OSBP2: variants seen among roughly 807,000 people sequenced by gnomAD.
OSBP2 encodes oxysterol-binding protein 2.
Under a neutral mutation model 96.0 loss-of-function variants are expected in OSBP2, and 66 were observed. The ratio of observed to expected loss-of-function variants is 0.69; its 90% confidence interval spans 0.56 to 0.84. OSBP2 has a LOEUF of 0.84. Among genes scored for constraint, OSBP2 ranks in the 40% least tolerant of loss-of-function variants. The pLI is 0.00. For synonymous variants in OSBP2, 525 were observed against 520.9 expected (o/e 1.01, Z -0.11); for missense variants, 1,038 against 1,222.7 (o/e 0.85, Z 2.25).
At chr22:30,756,757 C>G (rs1250545371) in intron 2 of OSBP2, among the ~76,000 whole-genome samples, 2 of 152,244 alleles carry the variant, frequency 1.3e-5, no homozygotes, top group South Asian at 4.1e-4. Flanking sequence ...TCAAATCATG[C>G]TACAAACTGC....
At chr22:30,753,243 G>T (rs2090099501) in intron 2 of OSBP2, among the ~76,000 whole-genome samples, 1 of 152,238 alleles carries the variant, frequency 6.6e-6, no homozygotes, top group South Asian at 2.1e-4. Flanking sequence ...TCTTGGGGTG[G>T]CTGGAGGTGG....
rs537152822 is a variant in OSBP2 at position 30,893,797 on chromosome 22, G to C, written c.2191-20G>C. The C allele has an allele frequency of 1.2e-6, 2 of 1,602,692 alleles. No individual in the cohort carries two copies. Among genetic ancestry groups the C allele is most frequent in the South Asian group, 2.2e-5 (2 of 90,014 alleles). ...CCAGGGCAGAGTCTGCACCTACGCT[G>C]GTCCTGCCAATGTCCACAGGTGACA... On this transcript the variant is annotated intron_variant, in intron 11 of 13. Transcript: ENST00000332585.
At chr22:30,829,042 A>G (rs1465303111) in intron 2 of OSBP2, among the ~76,000 whole-genome samples, 1 of 152,124 alleles carries the variant, frequency 6.6e-6, no homozygotes, top group African/African-American at 2.4e-5. Flanking sequence ...GCCCAGTGAC[A>G]GTGAGGAAGG....
chr22:30,863,391 C>G (rs1041085167), intron 2 of OSBP2, among the ~76,000 whole-genome samples: 2 of 152,162 alleles, frequency 1.3e-5, no homozygotes, highest in African/African-American at 2.4e-5. Context: ...GCAGCGCCCC[C>G]GCAGTCCTCA....
intron 2 of OSBP2, among the ~76,000 whole-genome samples, chr22:30,820,101 C>T (rs544503677): frequency 2.9e-4 from 44 of 152,276 alleles, no homozygotes; most frequent in African/African-American, 8.9e-4. Context: ...CAGCTCTGAC[C>T]GAACACAGTG....
intron 1 of OSBP2, among the ~76,000 whole-genome samples, chr22:30,736,985 A>G (rs1295939551): frequency 6.6e-6 from 1 of 152,186 alleles, no homozygotes; most frequent in Non-Finnish European, 1.5e-5. Context: ...TGTGCAAGTC[A>G]CTTCGATTCT....
intron 12 of OSBP2, among the ~76,000 whole-genome samples, chr22:30,896,169 G>A (rs2040063500): frequency 1.3e-5 from 2 of 151,818 alleles, no homozygotes; most frequent in Non-Finnish European, 2.9e-5. Context: ...ACAGGGGCAT[G>A]CTACTGTGCT....
intron 2 of OSBP2, among the ~76,000 whole-genome samples, chr22:30,869,111 C>T (rs577294078): frequency 6.6e-6 from 1 of 152,292 alleles, no homozygotes; most frequent in South Asian, 2.1e-4. Flanking sequence ...TGCTGTGGTG[C>T]GCCACCCCCC....
chr22:30,858,426 G>A (rs942468425), intron 2 of OSBP2, among the ~76,000 whole-genome samples: 1 of 151,762 alleles, frequency 6.6e-6, no homozygotes, highest in Non-Finnish European at 1.5e-5. Flanking sequence ...GATTACAGGT[G>A]TGAGCCACCG....
intron 2 of OSBP2, among the ~76,000 whole-genome samples, chr22:30,752,373 A>T (rs1311785506): frequency 8.0e-6 from 1 of 125,528 alleles, no homozygotes; most frequent in East Asian, 2.4e-4. Flanking sequence ...ATCTCGGCTC[A>T]CTGCAAGCTC....
chr22:30,861,368 G>A (rs2039207036), intron 2 of OSBP2, among the ~76,000 whole-genome samples: 1 of 152,162 alleles, frequency 6.6e-6, no homozygotes, highest in African/African-American at 2.4e-5. Flanking sequence ...CCCCTCGCCT[G>A]GAGAAGTTGT....
chr22:30,853,774 CTT>C (rs35208155), intron 2 of OSBP2, among the ~76,000 whole-genome samples: 58 of 138,628 alleles, frequency 4.2e-4, no homozygotes, highest in Admixed American at 5.7e-4. Context: ...TTCTTTCTTT[CTT>C]TTTTTTTTTT....
chr22:30,822,121 A>ATGAGAGGGTC (rs1252951426), intron 2 of OSBP2, among the ~76,000 whole-genome samples: 2 of 152,218 alleles, frequency 1.3e-5, no homozygotes. Flanking sequence ...GGGTCAGAAG[A>ATGAGAGGGTC]TGAGAGGGTC....
intron 3 of OSBP2, chr22:30,872,602 AGTG>A (rs2039481637): frequency 2.8e-6 from 1 of 355,166 alleles, no homozygotes; most frequent in Non-Finnish European, 5.5e-6. Flanking sequence ...GTCAGCCCTG[AGTG>A]ACGGAAGCTG....
At chr22:30,727,163 T>C (rs924989296) in intron 1 of OSBP2, among the ~76,000 whole-genome samples, 2 of 152,196 alleles carry the variant, frequency 1.3e-5, no homozygotes, top group Non-Finnish European at 2.9e-5. Flanking sequence ...TGTGAGACAT[T>C]GCTAAGGTAA....
At chr22:30,862,165 A>T (rs555837158) in intron 2 of OSBP2, among the ~76,000 whole-genome samples, 1 of 152,292 alleles carries the variant, frequency 6.6e-6, no homozygotes, top group South Asian at 2.1e-4. Context: ...GAGTGGGCAG[A>T]GCGTTGGCAG....
intron 2 of OSBP2, among the ~76,000 whole-genome samples, chr22:30,780,782 G>A (rs1019797062): frequency 6.6e-6 from 1 of 152,110 alleles, no homozygotes; most frequent in African/African-American, 2.4e-5. Flanking sequence ...ACAGGAGTGA[G>A]CCACCCCACC....
At chr22:30,739,072 G>A (rs573177798) in intron 1 of OSBP2, among the ~76,000 whole-genome samples, 1 of 152,270 alleles carries the variant, frequency 6.6e-6, no homozygotes, top group African/African-American at 2.4e-5. Context: ...TTATTATGTC[G>A]TAGGGGTTCT....
At chr22:30,886,133 CAT>C (rs1257133830) in intron 3 of OSBP2, among the ~76,000 whole-genome samples, 1 of 152,172 alleles carries the variant, frequency 6.6e-6, no homozygotes, top group Non-Finnish European at 1.5e-5. Flanking sequence ...GTCCTGAGAA[CAT>C]GTGCCCAAGG....
Sources: allele counts gnomAD v4.1 joint callset (sites outside exome capture counted in the v4.1 genomes callset), GRCh38; gene constraint gnomAD v4.1.1; transcripts MANE v1.5; gene names NCBI Gene and HGNC (gene_info 2026-07-23, HGNC 2026-07-21).